Variants in NEK7 observed in about 807,000 individuals in gnomAD.
NEK7 encodes the protein NIMA related kinase 7, also known as serine/threonine-protein kinase Nek7.
In NEK7, 18 loss-of-function variants were observed where a neutral mutation model predicts 44.6. The ratio of observed to expected loss-of-function variants is 0.40; its 90% confidence interval spans 0.28 to 0.60. NEK7 has a LOEUF of 0.60. Ranked by LOEUF, NEK7 falls within the 20% of genes least tolerant of loss-of-function variation. The pLI, the probability that NEK7 is intolerant of heterozygous loss-of-function variation, is 0.38. For missense variants in NEK7, 256 were observed against 366.5 expected (o/e 0.70, Z 2.46); for synonymous variants, 130 against 121.1 (o/e 1.07, Z -0.48).
Position 198,262,593 on chromosome 1 carries a change from G to T in NEK7, c.217G>T (p.Ala73Ser). 1 of 1,595,492 alleles carries T rather than the reference G, an allele frequency of 6.3e-7. No homozygotes were observed. Among genetic ancestry groups the T allele is most frequent in the South Asian group, 1.1e-5 (1 of 89,502 alleles). The stretch of plus-strand genomic sequence containing the variant: ...TTTTTAGATATTTGATTTAATGGAT[G>T]CCAAAGCACGTGCTGATTGCATCAA... ...KKVQIFDLMD[A>S]KARADCIKEI... The change falls in exon 4 of 10, where the codon GCC (alanine) becomes TCC (serine). Residue 73 changes from alanine (A) to serine (S), a missense_variant. By Grantham distance (99) the Ala-to-Ser change is moderately conservative. This residue lies in a region of NEK7 where 96 missense variants were observed against 94.9 expected (regional missense o/e 1.01). Coordinates refer to ENST00000367385, the MANE Select transcript of NEK7 (RefSeq NM_133494.3).
intron 1 of NEK7, among the ~76,000 whole-genome samples, chr1:198,207,650 A>G (rs1170332815): frequency 5.3e-5 from 8 of 152,198 alleles, no homozygotes; most frequent in Non-Finnish European, 1.0e-4. Flanking sequence ...TAGGGACAGA[A>G]TACAGATTAG....
intron 1 of NEK7, among the ~76,000 whole-genome samples, chr1:198,225,020 C>G (rs889730692): frequency 1.3e-5 from 2 of 151,898 alleles, no homozygotes; most frequent in Admixed American, 6.6e-5. Flanking sequence ...ATACAAATTT[C>G]AGAGTAATCA....
intron 1 of NEK7, among the ~76,000 whole-genome samples, chr1:198,170,894 A>G (rs1469502476): frequency 6.6e-6 from 1 of 151,968 alleles, no homozygotes; most frequent in East Asian, 1.9e-4. Context: ...AATCAAGATT[A>G]TTGTAAAAGG....
chr1:198,254,460 C>T (rs2102929679), intron 3 of NEK7, among the ~76,000 whole-genome samples: 1 of 152,246 alleles, frequency 6.6e-6, no homozygotes, highest in East Asian at 1.9e-4. Context: ...CACGCACACA[C>T]ACTCACACAG....
At chr1:198,283,854 T>C (rs572898853) in intron 7 of NEK7, among the ~76,000 whole-genome samples, 1 of 152,244 alleles carries the variant, frequency 6.6e-6, no homozygotes, top group South Asian at 2.1e-4. Flanking sequence ...GCCCACTAAA[T>C]TGATTTCACA....
intron 2 of NEK7, 34 bp downstream of exon 2, chr1:198,232,671 A>T (rs748203700): frequency 2.4e-6 from 3 of 1,275,312 alleles, no homozygotes; most frequent in Non-Finnish European, 3.4e-6. Context: ...GCAGAACTAT[A>T]TATAATCTGT....
At chr1:198,203,058 T>G (rs1453650230) in intron 1 of NEK7, among the ~76,000 whole-genome samples, 4 of 151,746 alleles carry the variant, frequency 2.6e-5, no homozygotes, top group Admixed American at 2.0e-4. Flanking sequence ...GACGTTTTCA[T>G]GAGTTCTCAC....
chr1:198,300,825 C>T (rs1350699143), intron 9 of NEK7, among the ~76,000 whole-genome samples: 4 of 152,180 alleles, frequency 2.6e-5, no homozygotes, highest in Non-Finnish European at 5.9e-5. Flanking sequence ...AAAGAACTCT[C>T]TGTAGAGTAA....
intron 1 of NEK7, among the ~76,000 whole-genome samples, chr1:198,163,968 C>G (rs1043542499): frequency 1.3e-5 from 2 of 152,080 alleles, no homozygotes; most frequent in African/African-American, 4.8e-5. Context: ...TGGCTGGGCA[C>G]TGTGGCTCAC....
At chr1:198,284,343 A>G (rs1654304444) in intron 7 of NEK7, among the ~76,000 whole-genome samples, 1 of 152,172 alleles carries the variant, frequency 6.6e-6, no homozygotes, top group African/African-American at 2.4e-5. Context: ...ATCTAGAAAT[A>G]CTATATTCGG....
intron 2 of NEK7, among the ~76,000 whole-genome samples, chr1:198,252,589 A>C (rs1653088948): frequency 7.2e-6 from 1 of 138,166 alleles, no homozygotes; most frequent in Admixed American, 7.3e-5. Context: ...ATATACACAT[A>C]TATATGTATG....
At chr1:198,212,419 G>A (rs1391226572) in intron 1 of NEK7, among the ~76,000 whole-genome samples, 12 of 152,182 alleles carry the variant, frequency 7.9e-5, no homozygotes, top group East Asian at 1.9e-4. Context: ...GCCTTGCCAC[G>A]TACCTGGGAG....
At chr1:198,296,295 CA>C (rs1654713706) in intron 8 of NEK7, among the ~76,000 whole-genome samples, 1 of 152,108 alleles carries the variant, frequency 6.6e-6, no homozygotes, top group Non-Finnish European at 1.5e-5. Flanking sequence ...TGCTGTGGTT[CA>C]AAGATTTAGA....
chr1:198,315,992 A>G (rs749640046), intron 9 of NEK7, among the ~76,000 whole-genome samples: 2 of 152,160 alleles, frequency 1.3e-5, no homozygotes, highest in Non-Finnish European at 2.9e-5. Context: ...GGAAGAGTGA[A>G]ACAGGAAAAG....
chr1:198,272,234 A>G (rs1192899217), intron 5 of NEK7, among the ~76,000 whole-genome samples: 1 of 151,578 alleles, frequency 6.6e-6, no homozygotes, highest in African/African-American at 2.4e-5. Flanking sequence ...CGAACTTTGA[A>G]CTCTGTTTGC....
rs1204786924 is a variant in NEK7 at position 198,240,503 on chromosome 1, A to AG, written c.57+7866_57+7867insG. Among the ~76,000 whole-genome samples, 246 of 151,862 alleles carry AG rather than the reference A, an allele frequency of 1.6e-3. 1 individual carries two copies. Among genetic ancestry groups the AG allele is most frequent in the African/African-American group, 5.5e-3 (229 of 41,486 alleles). On this transcript the variant is annotated intron_variant, in intron 2 of 9. Transcript: ENST00000367385. The stretch of plus-strand genomic sequence containing the variant: ...AGACAGAGTGAGACTCCGTCTCAAA[A>AG]AAAAAAAAAAAGAAATATGCTTTAA...
chr1:198,268,921 G>A (rs1318955573), intron 5 of NEK7, among the ~76,000 whole-genome samples: 1 of 151,968 alleles, frequency 6.6e-6, no homozygotes, highest in Non-Finnish European at 1.5e-5. Context: ...TCCATTCTTG[G>A]CTGACTTTAT....
intron 1 of NEK7, among the ~76,000 whole-genome samples, chr1:198,226,365 T>TA (rs1165478010): frequency 6.6e-6 from 1 of 151,870 alleles, no homozygotes; most frequent in Non-Finnish European, 1.5e-5. Flanking sequence ...ACCAACATGG[T>TA]AAAACCCTAT....
At chr1:198,187,725 C>G (rs1473794147) in intron 1 of NEK7, among the ~76,000 whole-genome samples, 1 of 152,184 alleles carries the variant, frequency 6.6e-6, no homozygotes, top group Non-Finnish European at 1.5e-5. Flanking sequence ...GTGTCAGTAT[C>G]TAAAAGAACC....
Sources: allele counts gnomAD v4.1 joint callset (sites outside exome capture counted in the v4.1 genomes callset), GRCh38; gene constraint gnomAD v4.1.1; regional missense constraint gnomAD v4.1.1; transcripts MANE v1.5; gene names NCBI Gene and HGNC (gene_info 2026-07-23, HGNC 2026-07-21).